Variants in ZFYVE16 observed in about 807,000 individuals in gnomAD.
The protein encoded by ZFYVE16 is zinc finger FYVE-type containing 16.
ZFYVE16 carries 89 observed loss-of-function variants against 138.1 expected under a neutral mutation model. That is an observed-to-expected ratio of 0.64 (90% confidence interval 0.54 to 0.77). The LOEUF (loss-of-function observed/expected upper bound fraction) is 0.77. ZFYVE16 is among the 30% of genes least tolerant of loss of function. The pLI is 0.00. For synonymous variants in ZFYVE16, 596 were observed against 618.3 expected (o/e 0.96, Z 0.53); for missense variants, 1,793 against 1,786.7 (o/e 1.00, Z -0.06).
intron 4 of ZFYVE16, among the ~76,000 whole-genome samples, chr5:80,439,588 T>TA (rs935561217): frequency 2.7e-5 from 4 of 148,342 alleles, no homozygotes; most frequent in African/African-American, 9.8e-5. Flanking sequence ...TATTTTTTTT[T>TA]AACAAAATAA....
intron 5 of ZFYVE16, chr5:80,441,771 G>A: frequency 1.0e-6 from 1 of 985,372 alleles, no homozygotes; most frequent in Non-Finnish European, 1.2e-6. Flanking sequence ...TTGGTTAATG[G>A]AAGCCATTTT....
In ZFYVE16 at chr5:80,423,931, A is replaced by G. The variant is rs1747611118; in HGVS notation, c.-93-3561A>G. On this transcript the variant is annotated intron_variant, in intron 1 of 18. Transcript: ENST00000505560. Reference sequence around the variant, plus strand: ...CAAGGTGGATGCTTATTGATTTTAGATTTTTTTTTTCTTTTACTTTTTCTT... The same window carrying G: ...CAAGGTGGATGCTTATTGATTTTAGGTTTTTTTTTTCTTTTACTTTTTCTT... Among the ~76,000 whole-genome samples, 2 of 137,020 alleles carry G rather than the reference A, an allele frequency of 1.5e-5. 1 individual carries two copies. The highest frequency in any genetic ancestry group is 4.8e-4 in the South Asian group (2 of 4,184). The allele number at this position is 137,020 out of a possible 152,430, so 89.9% of individuals were successfully genotyped here.
chr5:80,445,485 CTTT>C lies in ZFYVE16; in HGVS notation c.2724+92_2724+94del, dbSNP rs34312342. ...AATTCCTGGTGTGATTATTAGAGTGCTTTTTTTTTTTTTTAACACTTTGAGCTT... is the reference window on the plus strand; with the variant it reads ...AATTCCTGGTGTGATTATTAGAGTGCTTTTTTTTTTTAACACTTTGAGCTT... On this transcript the variant is annotated intron_variant, in intron 7 of 18. Transcript: ENST00000505560. 2,948 of 986,584 alleles carry C rather than the reference CTTT, an allele frequency of 3.0e-3. 6 individuals are homozygous for C. Among genetic ancestry groups the C allele is most frequent in the African/African-American group, 0.019 (1,077 of 57,862 alleles). The allele number at this position is 986,584 out of a possible 1,614,324, so 61.1% of individuals were successfully genotyped here.
intron 2 of ZFYVE16, among the ~76,000 whole-genome samples, chr5:80,432,885 CAAT>C (rs1273814454): frequency 2.0e-5 from 3 of 152,178 alleles, no homozygotes; most frequent in Admixed American, 6.5e-5. Flanking sequence ...ATCAAAACCA[CAAT>C]GAGATACCGT....
At chr5:80,472,682 T>A in intron 15 of ZFYVE16, 79 bp from the exon 16 acceptor site, 1 of 1,387,256 alleles carries the variant, frequency 7.2e-7, no homozygotes, top group Non-Finnish European at 9.8e-7. Context: ...ACAGAACATA[T>A]TTTGATAGCA....
At chr5:80,465,402 T>TTTG (rs1753617832) in intron 15 of ZFYVE16, among the ~76,000 whole-genome samples, 1 of 96,498 alleles carries the variant, frequency 1.0e-5, no homozygotes, top group African/African-American at 4.1e-5. Context: ...TTTTCTTTGT[T>TTTG]TTTTTTTTTT....
intron 7 of ZFYVE16, among the ~76,000 whole-genome samples, chr5:80,446,806 A>T (rs1392492414): frequency 6.6e-6 from 1 of 152,218 alleles, no homozygotes; most frequent in Non-Finnish European, 1.5e-5. Flanking sequence ...GAAGATATAT[A>T]ATATAGAATC....
Position 80,437,992 on chromosome 5 carries a change from A to C in ZFYVE16, c.1307A>C (p.Gln436Pro). The C allele has an allele frequency of 6.2e-7, 1 of 1,614,052 alleles. No individual in the cohort carries two copies. Among genetic ancestry groups the C allele is most frequent in the South Asian group, 1.1e-5 (1 of 91,072 alleles). The change falls in exon 4 of 19, where the codon CAG (glutamine) becomes CCG (proline). Residue 436 changes from glutamine (Q) to proline (P), a missense_variant. Transcript: ENST00000505560. ...EPFKENDLLKQEKCKSILLQS... is the reference protein window; with the variant it reads ...EPFKENDLLKPEKCKSILLQS... Reference sequence around the variant, plus strand: ...TTCAAAGAGAATGATCTTTTGAAACAGGAAAAATGTAAAAGCATACTCCTT... The same window carrying C: ...TTCAAAGAGAATGATCTTTTGAAACCGGAAAAATGTAAAAGCATACTCCTT...
intron 7 of ZFYVE16, among the ~76,000 whole-genome samples, chr5:80,445,827 T>C (rs1469256576): frequency 1.3e-5 from 2 of 150,264 alleles, no homozygotes; most frequent in Admixed American, 1.3e-4. Flanking sequence ...TCCTGATCTT[T>C]AGTAATCCTC....
In ZFYVE16 at chr5:80,445,302, A is replaced by G. The variant is rs200241220; in HGVS notation, c.2621A>G (p.Asp874Gly). 3 of 1,613,956 alleles carry G rather than the reference A, an allele frequency of 1.9e-6. No individual in the cohort carries two copies. Among genetic ancestry groups the G allele is most frequent in the Non-Finnish European group, 8.5e-7 (1 of 1,179,930 alleles). ...GAACAGAAGAGAGTATGGTTTGCAG[A>G]TGGTATATTGCCCAATGGTGAAGTT... ...SKEQKRVWFA[D>G]GILPNGEVAD... The change falls in exon 7 of 19, where the codon GAT becomes GGT. Residue 874 changes from aspartate to glycine, a missense_variant. Physicochemically the swap from Asp to Gly is moderately conservative, Grantham distance 94 (BLOSUM62 -1). Coordinates refer to ENST00000505560, the MANE Select transcript of ZFYVE16 (RefSeq NM_001284236.3).
rs1005190270 is a variant in ZFYVE16, at chr5:80,480,575, C to T, written c.*3198C>T. Among the ~76,000 whole-genome samples the T allele has an allele frequency of 2.0e-5, 3 of 152,094 alleles. No individual in the cohort carries two copies. The highest frequency in any genetic ancestry group is 4.4e-5 in the Non-Finnish European group (3 of 68,000). On this transcript the variant is annotated 3_prime_UTR_variant, in exon 19 of 19. Transcript: ENST00000505560. ...AAAACTGATGAAAGACATGACCCCACACATTCTAGAAGCCAGACAAATCCC... is the reference window on the plus strand; with the variant it reads ...AAAACTGATGAAAGACATGACCCCATACATTCTAGAAGCCAGACAAATCCC...
chr5:80,450,381 TTTGACTAATAGAAG>T, intron 9 of ZFYVE16, 36 bp from the exon 10 acceptor site: 19 of 1,563,008 alleles, frequency 1.2e-5, no homozygotes, highest in Non-Finnish European at 1.6e-5. Flanking sequence ...TTCTTAGTTT[TTTGACTAATAGAAG>T]TTGACATTAA....
intron 1 of ZFYVE16, among the ~76,000 whole-genome samples, chr5:80,415,221 T>C (rs1746031884): frequency 6.6e-6 from 1 of 152,246 alleles, no homozygotes; most frequent in Admixed American, 6.5e-5. Context: ...TGGAACAGTT[T>C]TAGATTTACA....
At chr5:80,430,902 C>G (rs2112307769) in intron 2 of ZFYVE16, among the ~76,000 whole-genome samples, 1 of 152,290 alleles carries the variant, frequency 6.6e-6, no homozygotes, top group African/African-American at 2.4e-5. Flanking sequence ...GAAGTTGAAT[C>G]TCTGAATAGA....
rs1749996948 is a variant in ZFYVE16, at chr5:80,436,898, A to C, written c.213A>C (p.Thr71=). ...TTAATAGTTGTGCCTCATCAGAAAC[A>C]AGCTATGGAACAAATGAGAGTTCCC... The part of the protein sequence containing the change: ...ECVNSCASSE[T]SYGTNESSLN... The change falls in exon 4 of 19, where the codon ACA becomes ACC. Residue 71 remains threonine, a synonymous_variant. Coordinates refer to ENST00000505560, the MANE Select transcript of ZFYVE16 (RefSeq NM_001284236.3). The C allele has an allele frequency of 3.1e-6, 5 of 1,614,186 alleles. No individual in the cohort carries two copies. Among genetic ancestry groups the C allele is most frequent in the Middle Eastern group, 1.6e-4 (1 of 6,062 alleles).
chr5:80,407,633 G>A (rs1744801876), upstream of ZFYVE16, among the ~76,000 whole-genome samples: 2 of 152,214 alleles, frequency 1.3e-5, no homozygotes, highest in South Asian at 4.1e-4. Context: ...GGCCAGCAGC[G>A]CGGAGAGCAG....
At chr5:80,441,502 C>T in intron 5 of ZFYVE16, 1 of 985,092 alleles carries the variant, frequency 1.0e-6, no homozygotes, top group Non-Finnish European at 1.2e-6. Context: ...AAGTTAATAC[C>T]AGCTTTAGGG....
Position 80,438,831 on chromosome 5 carries a change from T to C in ZFYVE16, c.2146T>C (p.Ser716Pro). 2 of 1,614,090 alleles carry C rather than the reference T, an allele frequency of 1.2e-6. No individual in the cohort carries two copies. Among genetic ancestry groups the C allele is most frequent in the African/African-American group, 1.3e-5 (1 of 75,048 alleles). ...TATAGAAAGTAATTCTGAAGGTGGA[T>C]CTAGTTTCGTAACTGCAAATGAAGA... ...IDIESNSEGG[S>P]SFVTANEDSV... The change falls in exon 4 of 19, where the codon TCT (serine) becomes CCT (proline). Residue 716 changes from serine to proline, a missense_variant. Coordinates refer to ENST00000505560, the MANE Select transcript of ZFYVE16 (RefSeq NM_001284236.3).
intron 7 of ZFYVE16, among the ~76,000 whole-genome samples, chr5:80,446,958 A>G (rs1751421235): frequency 6.6e-6 from 1 of 151,996 alleles, no homozygotes; most frequent in African/African-American, 2.4e-5. Context: ...CTGGGTACGT[A>G]TATTAGAAAA....
Sources: gnomAD v4.1 joint callset for allele counts (sites outside exome capture counted in the v4.1 genomes callset) on GRCh38, gnomAD v4.1.1 for gene constraint, MANE v1.5 for transcripts, NCBI Gene and HGNC (gene_info 2026-07-23, HGNC 2026-07-21) for gene names.